Variants in MAML2 observed in about 807,000 individuals in gnomAD.
The protein encoded by MAML2 is mastermind-like protein 2.
In MAML2, 22 loss-of-function variants were observed where a neutral mutation model predicts 96.1. The ratio of observed to expected loss-of-function variants is 0.23; its 90% CI spans 0.16 to 0.33. The LOEUF (loss-of-function observed/expected upper bound fraction) is 0.33. Among genes scored for constraint, MAML2 ranks in the 10% least tolerant of loss-of-function variants. The probability of loss-of-function intolerance (pLI) is 1.00; values close to 1 mark genes in which losing one functional copy is unlikely to be tolerated. For missense variants in MAML2, 1,367 were observed against 1,392.4 expected (o/e 0.98, Z 0.29); for synonymous variants, 561 against 521.3 (o/e 1.08, Z -1.04).
chr11:96,174,528 C>T (rs1298979455), intron 1 of MAML2, among the ~76,000 whole-genome samples: 1 of 152,196 alleles, frequency 6.6e-6, no homozygotes, highest in Non-Finnish European at 1.5e-5. Context: ...GGATTACAGG[C>T]ACCCGCCGCC....
intron 3 of MAML2, among the ~76,000 whole-genome samples, chr11:95,989,136 GA>G (rs1371728592): frequency 6.6e-6 from 1 of 152,184 alleles, no homozygotes; most frequent in African/African-American, 2.4e-5. Flanking sequence ...GAGAATAATA[GA>G]GAATAAGGAT....
chr11:96,341,652 G>A lies in MAML2; in HGVS notation c.244C>T (p.His82Tyr). Residue 82 changes from histidine (H) to tyrosine (Y), a missense_variant, in exon 1 of 5, where the codon CAT (histidine) becomes TAT (tyrosine). Coordinates refer to ENST00000524717, the MANE Select transcript of MAML2 (RefSeq NM_032427.4). ...CCAGCTTTCCTTGCCCCCTGGCCAT[G>A]CTGTACAAGGCTCAGGAGCTGCAAG... Reference protein sequence around the residue: ...STLQLLSLVQHGQGARKAGKH... With the variant: ...STLQLLSLVQYGQGARKAGKH... The A allele has an allele frequency of 6.4e-7, 1 of 1,566,152 alleles. No individual in the cohort carries two copies. Among genetic ancestry groups the A allele is most frequent in the South Asian group, 1.2e-5 (1 of 85,362 alleles).
intron 1 of MAML2, among the ~76,000 whole-genome samples, chr11:96,216,504 AC>A (rs1862051698): frequency 6.6e-6 from 1 of 152,086 alleles, no homozygotes; most frequent in African/African-American, 2.4e-5. Flanking sequence ...TTGTAGCTTT[AC>A]ATGTAGACAT....
At chr11:96,064,938 T>C (rs1335480953) in intron 2 of MAML2, among the ~76,000 whole-genome samples, 1 of 152,220 alleles carries the variant, frequency 6.6e-6, no homozygotes, top group African/African-American at 2.4e-5. Context: ...GCTTGAACTC[T>C]AAGTGTAGAA....
At chr11:96,299,531 T>A (rs184893229) in intron 1 of MAML2, among the ~76,000 whole-genome samples, 1 of 152,028 alleles carries the variant, frequency 6.6e-6, no homozygotes, top group Non-Finnish European at 1.5e-5. Flanking sequence ...TCTCTAGCTG[T>A]GTGAGCAGGC....
intron 1 of MAML2, among the ~76,000 whole-genome samples, chr11:96,113,959 A>G (rs1191154293): frequency 6.6e-6 from 1 of 152,224 alleles, no homozygotes; most frequent in Non-Finnish European, 1.5e-5. Flanking sequence ...AAATAAAAAT[A>G]AAACATTTGA....
chr11:96,190,024 G>A (rs1314179635), intron 1 of MAML2, among the ~76,000 whole-genome samples: 1 of 152,040 alleles, frequency 6.6e-6, no homozygotes, highest in Non-Finnish European at 1.5e-5. Flanking sequence ...CCTTTTTCAA[G>A]GAATGATTTC....
Position 95,981,933 on chromosome 11 carries a change from C to A in MAML2, c.2456-1970G>T, listed in dbSNP as rs535367077. On this transcript the variant is annotated intron_variant, in intron 4 of 4. Transcript: ENST00000524717. ...TAAGGAAAACAATCTTTTTAAACAA[C>A]CAGAATAGAGAGAATTTCCACAAAG... 1.9e-4 allele frequency among the ~76,000 whole-genome samples: 29 copies of A among 151,982 alleles called. No individual in the cohort carries two copies. In the South Asian group the frequency reaches 5.6e-3, roughly 29 times the overall value.
chr11:96,340,087 T>C (rs944675771), intron 1 of MAML2, among the ~76,000 whole-genome samples: 1 of 152,172 alleles, frequency 6.6e-6, no homozygotes, highest in Non-Finnish European at 1.5e-5. Context: ...AGCACCATCC[T>C]ACTCCCCAGA....
chr11:96,000,400 T>C (rs1439857427), intron 2 of MAML2, among the ~76,000 whole-genome samples: 1 of 152,192 alleles, frequency 6.6e-6, no homozygotes, highest in African/African-American at 2.4e-5. Context: ...GCTTTCCCAC[T>C]ATAATAACAG....
chr11:96,044,597 C>T (rs1480602819), intron 2 of MAML2, among the ~76,000 whole-genome samples: 1 of 152,140 alleles, frequency 6.6e-6, no homozygotes, highest in Non-Finnish European at 1.5e-5. Context: ...GGAATGAATG[C>T]ATGAGGCCAT....
intron 2 of MAML2, among the ~76,000 whole-genome samples, chr11:96,046,824 A>G (rs946511460): frequency 4.6e-5 from 7 of 152,180 alleles, no homozygotes; most frequent in African/African-American, 1.7e-4. Context: ...TATCACCTCC[A>G]AAACCTGTGC....
At chr11:96,159,407 C>CT (rs760811590) in intron 1 of MAML2, among the ~76,000 whole-genome samples, 4,177 of 90,784 alleles carry the variant, frequency 0.046, 627 homozygotes, top group African/African-American at 0.13. Context: ...ACCACTGATT[C>CT]TTTTTTTTTT....
At chr11:96,296,682 A>G (rs958432294) in intron 1 of MAML2, among the ~76,000 whole-genome samples, 4 of 152,158 alleles carry the variant, frequency 2.6e-5, no homozygotes, top group African/African-American at 9.6e-5. Flanking sequence ...ATAAATAAGA[A>G]GCAGAGAGAA....
At chr11:95,995,303 G>T (rs1261610990) in intron 2 of MAML2, among the ~76,000 whole-genome samples, 1 of 152,110 alleles carries the variant, frequency 6.6e-6, no homozygotes, top group Non-Finnish European at 1.5e-5. Context: ...AAGATGGGTG[G>T]GGTATCATTC....
chr11:96,054,551 A>G (rs1179336976), intron 2 of MAML2, among the ~76,000 whole-genome samples: 1 of 152,204 alleles, frequency 6.6e-6, no homozygotes, highest in African/African-American at 2.4e-5. Flanking sequence ...GACGGTGTTA[A>G]GTAGGACCAA....
chr11:96,298,969 C>T (rs566245666), intron 1 of MAML2, among the ~76,000 whole-genome samples: 5 of 143,142 alleles, frequency 3.5e-5, no homozygotes, highest in East Asian at 2.0e-4. Flanking sequence ...GGCGTGAACC[C>T]GGGAGGTGGA....
intron 1 of MAML2, among the ~76,000 whole-genome samples, chr11:96,323,496 A>G (rs1393225984): frequency 6.6e-6 from 1 of 151,048 alleles, no homozygotes; most frequent in Non-Finnish European, 1.5e-5. Flanking sequence ...AAAAAAAAAA[A>G]CCCATCTGCA....
intron 1 of MAML2, among the ~76,000 whole-genome samples, chr11:96,160,750 G>A (rs1454671838): frequency 6.6e-6 from 1 of 152,096 alleles, no homozygotes; most frequent in African/African-American, 2.4e-5. Context: ...TTTTAAAGTA[G>A]GGACTAACAC....
Sources: gnomAD v4.1 joint callset for allele counts (sites outside exome capture counted in the v4.1 genomes callset) on GRCh38, gnomAD v4.1.1 for gene constraint, MANE v1.5 for transcripts, NCBI Gene and HGNC (gene_info 2026-07-23, HGNC 2026-07-21) for gene names.